PTPRR: variants seen among roughly 807,000 people sequenced by gnomAD.
PTPRR encodes receptor-type tyrosine-protein phosphatase R.
Under a neutral mutation model 77.2 loss-of-function variants are expected in PTPRR, and 38 were observed. The ratio of observed to expected loss-of-function variants is 0.49; its 90% CI spans 0.38 to 0.65. PTPRR has a LOEUF of 0.65. Ranked by LOEUF, PTPRR falls within the 30% of genes least tolerant of loss-of-function variation. The pLI is 0.00. For missense variants in PTPRR, 744 were observed against 799.2 expected (o/e 0.93, Z 0.83); for synonymous variants, 299 against 283.1 (o/e 1.06, Z -0.57).
At chr12:70,736,461 A>G (rs1889864461) in intron 6 of PTPRR, among the ~76,000 whole-genome samples, 1 of 152,144 alleles carries the variant, frequency 6.6e-6, no homozygotes, top group Admixed American at 6.5e-5. Flanking sequence ...CCAATTTATT[A>G]TTAATTAGGA....
In PTPRR at chr12:70,707,415, C is replaced by T. The variant is rs57800888; in HGVS notation, c.1008-6092G>A. ...GCACAGAACCATTGCATATGATTTA[C>T]TTTTTAAAAAAACTATATCATGAAT... On this transcript the variant is annotated intron_variant, in intron 6 of 13. Coordinates refer to ENST00000283228, the MANE Select transcript of PTPRR (RefSeq NM_002849.4). 4.7e-4 allele frequency among the ~76,000 whole-genome samples: 70 copies of T among 147,982 alleles called. No homozygotes were observed. In the East Asian group the frequency reaches 0.011, roughly 22 times the overall value.
rs116530966 is a variant in PTPRR, at chr12:70,890,078, G to A, written c.357+2601C>T. On this transcript the variant is annotated intron_variant, in intron 2 of 13. Transcript: ENST00000283228. ...TCCTGGTGTTGTGGCCTTGTGTCTT[G>A]ACAAATATCCTGAGGATCCAGTGAC... Among the ~76,000 whole-genome samples the A allele has an allele frequency of 1.3e-3, 199 of 152,128 alleles. 1 individual carries two copies. Among genetic ancestry groups the A allele is most frequent in the African/African-American group, 4.6e-3 (192 of 41,520 alleles).
Position 70,878,751 on chromosome 12 carries a change from G to T in PTPRR, c.357+13928C>A, listed in dbSNP as rs559870358. 1.1e-4 allele frequency among the ~76,000 whole-genome samples: 16 copies of T among 152,276 alleles called. No individual in the cohort carries two copies. The South Asian group carries it at 3.1e-3, about 30-fold the overall frequency. ...TTTGACCCAGCCATCCCATTACTGG[G>T]TATATACCCAAAGGATTATAAGTCA... On this transcript the variant is annotated intron_variant, in intron 2 of 13. Coordinates refer to ENST00000283228, the MANE Select transcript of PTPRR (RefSeq NM_002849.4).
At chr12:70,739,354 T>C (rs1392547595) in intron 6 of PTPRR, among the ~76,000 whole-genome samples, 1 of 152,224 alleles carries the variant, frequency 6.6e-6, no homozygotes, top group Admixed American at 6.5e-5. Context: ...GGGAAAACTA[T>C]ACTACAGAGG....
At position 70,919,160 on chromosome 12, in the gene PTPRR, C is replaced by A. The variant is rs1052313338; in HGVS notation, c.58+1173G>T. Among the ~76,000 whole-genome samples the A allele has an allele frequency of 9.2e-5, 14 of 152,254 alleles. No homozygotes were observed. In the East Asian group the frequency reaches 1.4e-3, roughly 15 times the overall value. Reference sequence around the variant, plus strand: ...TATTGTACACAGAGAATAAAATTCACCCACTCTTTTAAAAAAGATACTGCA... The same window carrying A: ...TATTGTACACAGAGAATAAAATTCAACCACTCTTTTAAAAAAGATACTGCA... On this transcript the variant is annotated intron_variant, in intron 1 of 13. Coordinates refer to ENST00000283228, the MANE Select transcript of PTPRR (RefSeq NM_002849.4).
At chr12:70,672,568 G>A (rs1185845885) in intron 10 of PTPRR, 5 of 1,376,356 alleles carry the variant, frequency 3.6e-6, no homozygotes, top group Non-Finnish European at 5.1e-6. Context: ...CTACCCTCTG[G>A]GCCTTGCCTT....
In PTPRR at chr12:70,745,268, T is replaced by G. The variant is rs146185057; in HGVS notation, c.1007+550A>C. On this transcript the variant is annotated intron_variant, in intron 6 of 13. Transcript: ENST00000283228. ...GTCTTGAACTCCTGGCCTCAAGTGA[T>G]CCACCCACCTCAGCCTCCCAAAGTA... is the stretch of plus-strand genomic sequence containing the variant. Among the ~76,000 whole-genome samples, 1,011 of 152,280 alleles carry G rather than the reference T, an allele frequency of 6.6e-3. 12 individuals are homozygous for G. Among genetic ancestry groups the G allele is most frequent in the African/African-American group, 0.023 (950 of 41,548 alleles).
At chr12:70,692,787 C>T (rs1345707380) in intron 8 of PTPRR, among the ~76,000 whole-genome samples, 1 of 152,132 alleles carries the variant, frequency 6.6e-6, no homozygotes, top group Admixed American at 6.5e-5. Flanking sequence ...ATTAGGCATT[C>T]TCTTCTTTGC....
At chr12:70,920,295 C>T in intron 1 of PTPRR, 38 bp downstream of exon 1, 1 of 1,594,264 alleles carries the variant, frequency 6.3e-7, no homozygotes, top group Non-Finnish European at 8.6e-7. Context: ...TTTCCCATCT[C>T]ATGCACAGCT....
rs1887775636 is a variant in PTPRR at position 70,684,209 on chromosome 12, G to A, written c.1415C>T (p.Thr472Ile). 1 of 1,613,886 alleles carries A rather than the reference G, an allele frequency of 6.2e-7. No homozygotes were observed. The highest frequency in any genetic ancestry group is 1.3e-5 in the African/African-American group (1 of 74,892). The change falls in exon 10 of 14, where the codon ACC becomes ATC. Residue 472 changes from threonine to isoleucine, a missense_variant. Physicochemically the swap from Thr to Ile is moderately conservative, Grantham distance 89 (BLOSUM62 -1). Transcript: ENST00000283228. ...AACCATCTGCCAGAAATCATCCACG[G>A]TGTTGATCATGGGGCCCTGCGTGGC... ...FIATQGPMIN[T>I]VDDFWQMVWQ... is the part of the protein sequence containing the mutation.
At chr12:70,681,187 A>G (rs1887644399) in intron 10 of PTPRR, among the ~76,000 whole-genome samples, 2 of 152,140 alleles carry the variant, frequency 1.3e-5, no homozygotes, top group African/African-American at 4.8e-5. Context: ...GTGTGAAGGT[A>G]GTGTAATGGC....
chr12:70,714,201 T>C (rs1055990684), intron 6 of PTPRR, among the ~76,000 whole-genome samples: 2 of 152,208 alleles, frequency 1.3e-5, no homozygotes, highest in Non-Finnish European at 2.9e-5. Flanking sequence ...ATATCTATGA[T>C]ATAAATATCT....
In PTPRR at chr12:70,661,057, G is replaced by C. The variant is rs1347711544; in HGVS notation, c.1649C>G (p.Thr550Ser). ...HTQHVKHYWYTSWPDHKTPDS... is the reference protein window; with the variant it reads ...HTQHVKHYWYSSWPDHKTPDS... The stretch of plus-strand genomic sequence containing the variant: ...TGGAGTCTTGTGATCAGGCCATGAG[G>C]TGTACCAGTAATGCTTCACATGTTG... The change falls in exon 12 of 14, where the codon ACC becomes AGC. Residue 550 changes from threonine to serine, a missense_variant. Coordinates refer to ENST00000283228, the MANE Select transcript of PTPRR (RefSeq NM_002849.4). The C allele has an allele frequency of 3.1e-6, 5 of 1,612,994 alleles. No individual in the cohort carries two copies. Among genetic ancestry groups the C allele is most frequent in the Non-Finnish European group, 4.2e-6 (5 of 1,179,496 alleles).
At chr12:70,744,515 C>G (rs1890150417) in intron 6 of PTPRR, among the ~76,000 whole-genome samples, 1 of 152,108 alleles carries the variant, frequency 6.6e-6, no homozygotes, top group Non-Finnish European at 1.5e-5. Context: ...TAAACACATT[C>G]CTTTATTTTT....
intron 2 of PTPRR, among the ~76,000 whole-genome samples, chr12:70,836,122 T>A (rs1309078337): frequency 6.6e-6 from 1 of 152,052 alleles, no homozygotes; most frequent in East Asian, 1.9e-4. Flanking sequence ...CCACTAATAC[T>A]TGAACCTGGT....
intron 2 of PTPRR, among the ~76,000 whole-genome samples, chr12:70,770,045 C>T (rs1488351169): frequency 2.9e-4 from 44 of 151,928 alleles, no homozygotes; most frequent in Admixed American, 2.3e-3. Flanking sequence ...AGACCTAAAA[C>T]CATAAAAACC....
At chr12:70,677,014 ACAT>A (rs1215592934) in intron 10 of PTPRR, among the ~76,000 whole-genome samples, 1 of 152,074 alleles carries the variant, frequency 6.6e-6, no homozygotes, top group Non-Finnish European at 1.5e-5. Flanking sequence ...CGTAGTATGG[ACAT>A]TTTAACAATA....
At chr12:70,793,238 G>A (rs550189565) in intron 2 of PTPRR, among the ~76,000 whole-genome samples, 5 of 152,292 alleles carry the variant, frequency 3.3e-5, no homozygotes, top group African/African-American at 1.2e-4. Context: ...AATTAAAGTT[G>A]AGCAAAGTTT....
intron 13 of PTPRR, among the ~76,000 whole-genome samples, chr12:70,641,299 G>A (rs1328101460): frequency 6.6e-6 from 1 of 152,206 alleles, no homozygotes; most frequent in Non-Finnish European, 1.5e-5. Flanking sequence ...CCACCTCTTA[G>A]GCTCTGGTCT....
Sources: gnomAD v4.1 joint callset for allele counts (sites outside exome capture counted in the v4.1 genomes callset) on GRCh38, gnomAD v4.1.1 for gene constraint, MANE v1.5 for transcripts, NCBI Gene and HGNC (gene_info 2026-07-23, HGNC 2026-07-21) for gene names.